The following MFRP variants were observed in gnomAD, a reference collection of about 807,000 sequenced individuals.
MFRP encodes the protein membrane frizzled-related protein.
MFRP carries 74 observed loss-of-function variants against 65.8 expected under a neutral mutation model. The observed-to-expected ratio is 1.12, with a 90% CI of 0.93 to 1.36. The LOEUF is 1.36. MFRP is among the 40% of genes most tolerant of loss of function. The pLI, the probability that MFRP is intolerant of heterozygous loss-of-function variation, is 0.00. For missense variants in MFRP, 838 were observed against 736.0 expected, an observed-to-expected ratio of 1.14 and a Z score of -1.60; for synonymous variants, 336 against 288.3, an observed-to-expected ratio of 1.17 and a Z score of -1.68.
In MFRP at chr11:119,342,999, A is replaced by G. The variant is rs1287406812; in HGVS notation, c.1129T>C (p.Cys377Arg). ...SGAFSLLGRFCGAEPPPHLVS... is the reference protein window; with the variant it reads ...SGAFSLLGRFRGAEPPPHLVS... The stretch of plus-strand genomic sequence containing the variant: ...AGGTGGGGGGGTGGCTCTGCTCCAC[A>G]GAACCTGCCCAAAGCAGACAGCTGT... The change falls in exon 10 of 15, where the codon TGT (cysteine) becomes CGT (arginine). Residue 377 changes from cysteine to arginine, a missense_variant. Cys to Arg is a radical substitution (Grantham distance 180). Coordinates refer to ENST00000619721, the MANE Select transcript of MFRP (RefSeq NM_031433.4). The G allele has an allele frequency of 1.2e-6, 2 of 1,603,210 alleles. No individual in the cohort carries two copies. Among genetic ancestry groups the G allele is most frequent in the Admixed American group, 1.7e-5 (1 of 58,472 alleles).
intron 8 of MFRP, 45 bp from the exon 9 acceptor site, chr11:119,344,009 T>A: frequency 1.2e-6 from 2 of 1,607,430 alleles, no homozygotes; most frequent in Non-Finnish European, 1.7e-6. Flanking sequence ...CCTTCTCCTG[T>A]CTCATCCCGG....
intron 14 of MFRP, 37 bp downstream of exon 14, chr11:119,340,147 G>A: frequency 6.6e-7 from 1 of 1,503,958 alleles, no homozygotes; most frequent in Non-Finnish European, 8.9e-7. Context: ...CGCCTGCTCG[G>A]ACATCGCCAC....
rs775475230 is a variant in MFRP at position 119,342,851 on chromosome 11, C to T, written c.1255+22G>A. On this transcript the variant is annotated intron_variant, in intron 10 of 14. Coordinates refer to ENST00000619721, the MANE Select transcript of MFRP (RefSeq NM_031433.4). The stretch of plus-strand genomic sequence containing the variant: ...CTGGAGGTGCCTCTACTGCCCCCAC[C>T]CACTTGCCCAGGGGCACCTACTCTC... 8 of 1,612,976 alleles carry T rather than the reference C, an allele frequency of 5.0e-6. No homozygotes were observed. The East Asian group carries it at 8.9e-5, about 18-fold the overall frequency.
At chr11:119,346,213 G>A (rs1565296372) in intron 2 of MFRP, 54 bp from the exon 3 acceptor site, 1 of 1,565,896 alleles carries the variant, frequency 6.4e-7, no homozygotes, top group Non-Finnish European at 8.7e-7. Flanking sequence ...TATTCCTCAT[G>A]CTGTCCTTGG....
rs1245258945 is a variant in MFRP at position 119,346,603 on chromosome 11, G to A, written c.-90C>T. On this transcript the variant is annotated 5_prime_UTR_variant, in exon 1 of 15. Coordinates refer to ENST00000619721, the MANE Select transcript of MFRP (RefSeq NM_031433.4). ...CGCTGACCACAAACTCCCTGTCAGA[G>A]GGGCAGCCTCTACTACCCGAGGGAA... 1 of 1,317,000 alleles carries A rather than the reference G, an allele frequency of 7.6e-7. No individual in the cohort carries two copies. The highest frequency in any genetic ancestry group is 1.1e-6 in the Non-Finnish European group (1 of 913,970). 81.6% of individuals were successfully genotyped at this position (1,317,000 alleles called of 1,614,324 possible).
Position 119,344,361 on chromosome 11 carries a change from C to A in MFRP, c.929G>T (p.Gly310Val), listed in dbSNP as rs950627332. 26 of 1,613,800 alleles carry A rather than the reference C, an allele frequency of 1.6e-5. No individual in the cohort carries two copies. Among genetic ancestry groups the A allele is most frequent in the Non-Finnish European group, 2.2e-5 (26 of 1,179,968 alleles). The change falls in exon 8 of 15, where the codon GGC becomes GTC. Residue 310 changes from glycine (G) to valine (V), a missense_variant. Physicochemically the swap from Gly to Val is moderately radical, Grantham distance 109. Coordinates refer to ENST00000619721, the MANE Select transcript of MFRP (RefSeq NM_031433.4). ...CAGGTAGCTGGGAGTAGAGAAAGTG[C>A]CCTGGAGGCCAGTCAGATTCCCCCC... ...GCGGNLTGLQGTFSTPSYLQQ... is the reference protein window; with the variant it reads ...GCGGNLTGLQVTFSTPSYLQQ...
At chr11:119,342,455 G>GTGGT in intron 11 of MFRP, 141 bp downstream of exon 11, 1 of 1,049,358 alleles carries the variant, frequency 9.5e-7, no homozygotes, top group Non-Finnish European at 1.4e-6. Context: ...ACTCTGTGAA[G>GTGGT]TGGTCCCAGA....
intron 13 of MFRP, 40 bp downstream of exon 13, chr11:119,340,655 T>G: frequency 1.9e-6 from 1 of 519,788 alleles, no homozygotes. Flanking sequence ...TTTCCCACAG[T>G]CCCCTCCCCA....
rs1565290644 is a variant in MFRP at position 119,339,457 on chromosome 11, C to T, written c.*1502G>A. The stretch of plus-strand genomic sequence containing the variant: ...CACCCACCTGCACCCACACTTGGTC[C>T]TCAGGCTCCAGCCTCACCATGGCCC... On this transcript the variant is annotated 3_prime_UTR_variant, in exon 15 of 15. Transcript: ENST00000619721. This position sits in a 1 kb window ranked among gnomAD's most constrained non-coding sequence, Gnocchi z 5.4. 1 of 1,614,118 alleles carries T rather than the reference C, an allele frequency of 6.2e-7. No individual in the cohort carries two copies. The highest frequency in any genetic ancestry group is 1.3e-5 in the African/African-American group (1 of 75,064).
Position 119,339,369 on chromosome 11 carries a change from C to T in MFRP, c.*1590G>A. 1.2e-6 allele frequency: 2 copies of T among 1,613,010 alleles called. No homozygotes were observed. Among genetic ancestry groups the T allele is most frequent in the South Asian group, 2.2e-5 (2 of 90,990 alleles). ...GGGGAGCTGTGCCAGTCGGAGTACA[C>T]CAGAAATCCGGAGAAGGTGCTGTCT... is the stretch of plus-strand genomic sequence containing the variant. On this transcript the variant is annotated 3_prime_UTR_variant, in exon 15 of 15. Transcript: ENST00000619721. This position sits in a 1 kb window ranked among gnomAD's most constrained non-coding sequence, Gnocchi z 5.4.
chr11:119,340,536 C>A lies in MFRP; in HGVS notation c.*854-96G>T, dbSNP rs182944983. ...GCCCAGTCGGTCCCCACCCCACTGCCGTGCCCCTGAGGCTGAGCGCTCGCA... is the reference window on the plus strand; with the variant it reads ...GCCCAGTCGGTCCCCACCCCACTGCAGTGCCCCTGAGGCTGAGCGCTCGCA... On this transcript the variant is annotated intron_variant, in intron 13 of 14. Coordinates refer to ENST00000619721, the MANE Select transcript of MFRP (RefSeq NM_031433.4). 5,068 of 918,230 alleles carry A rather than the reference C, an allele frequency of 5.5e-3. 342 individuals are homozygous for A. In the Admixed American group the frequency reaches 0.1, roughly 19 times the overall value. The allele number at this position is 918,230 out of a possible 1,614,324, so 56.9% of individuals were successfully genotyped here.
chr11:119,345,654 G>T, intron 4 of MFRP, 21 bp from the exon 5 acceptor site: 1 of 1,613,258 alleles, frequency 6.2e-7, no homozygotes, highest in Middle Eastern at 1.6e-4. Flanking sequence ...GGAGGTTAGA[G>T]TTCAGAGGTC....
intron 2 of MFRP, 23 bp downstream of exon 2, chr11:119,346,249 A>G (rs1456364440): frequency 6.3e-7 from 1 of 1,595,400 alleles, no homozygotes; most frequent in Non-Finnish European, 8.5e-7. Flanking sequence ...GTCCTCCCCC[A>G]GGTCACCCCC....
Position 119,346,597 on chromosome 11 carries a change from G to C in MFRP, c.-84C>G. On this transcript the variant is annotated 5_prime_UTR_variant, in exon 1 of 15. Coordinates refer to ENST00000619721, the MANE Select transcript of MFRP (RefSeq NM_031433.4). ...CCCACTCGCTGACCACAAACTCCCTGTCAGAGGGGCAGCCTCTACTACCCG... is the reference window on the plus strand; with the variant it reads ...CCCACTCGCTGACCACAAACTCCCTCTCAGAGGGGCAGCCTCTACTACCCG... 7.1e-7 allele frequency: 1 copy of C among 1,405,946 alleles called. No individual in the cohort carries two copies. The highest frequency in any genetic ancestry group is 1.0e-6 in the Non-Finnish European group (1 of 993,666). The allele number at this position is 1,405,946 out of a possible 1,614,324, so 87.1% of individuals were successfully genotyped here. A position where few individuals can be genotyped will look rare whatever the true frequency, so the allele number is the denominator to read the frequency against.
Position 119,345,589 on chromosome 11 carries a change from G to A in MFRP, c.472C>T (p.Pro158Ser), listed in dbSNP as rs758420491. 21 of 1,613,762 alleles carry A rather than the reference G, an allele frequency of 1.3e-5. No homozygotes were observed. In the Admixed American group the frequency reaches 2.5e-4, roughly 19 times the overall value. The stretch of plus-strand genomic sequence containing the variant: ...GGGGGGTAAGGGTCTGGGTAGTTAG[G>A]GCTGCTGAAGAAGCCCCTTGGGCCA... ...LSGPRGFFSS[P>S]NYPDPYPPNT... Residue 158 changes from proline (P) to serine (S), a missense_variant, in exon 5 of 15, where the codon CCT (proline) becomes TCT (serine). Physicochemically the swap from Pro to Ser is moderately conservative, Grantham distance 74. Coordinates refer to ENST00000619721, the MANE Select transcript of MFRP (RefSeq NM_031433.4).
intron 3 of MFRP, 52 bp downstream of exon 3, chr11:119,345,994 T>C (rs1347190252): frequency 5.0e-6 from 8 of 1,612,816 alleles, no homozygotes; most frequent in Non-Finnish European, 6.8e-6. Flanking sequence ...GGAGAGCGGC[T>C]CATGGAGTTT....
intron 8 of MFRP, 130 bp downstream of exon 8, chr11:119,344,185 C>T (rs1565294269): frequency 3.0e-6 from 3 of 1,007,900 alleles, no homozygotes; most frequent in East Asian, 4.9e-5. Flanking sequence ...TTCCCCCATC[C>T]CCCGTCTGCT....
chr11:119,342,089 G>C, intron 11 of MFRP, 105 bp from the exon 12 acceptor site: 1 of 1,424,886 alleles, frequency 7.0e-7, no homozygotes, highest in Non-Finnish European at 9.7e-7. Context: ...GGTCCAATGG[G>C]GGTGGTTGTG....
Position 119,344,359 on chromosome 11 carries a change from T to C in MFRP, c.931A>G (p.Thr311Ala), listed in dbSNP as rs759048629. The C allele has an allele frequency of 1.2e-6, 2 of 1,613,848 alleles. No homozygotes were observed. The highest frequency in any genetic ancestry group is 1.1e-5 in the South Asian group (1 of 91,070). Residue 311 changes from threonine (T) to alanine (A), a missense_variant, in exon 8 of 15, where the codon ACT becomes GCT. Physicochemically the swap from Thr to Ala is moderately conservative, Grantham distance 58. Transcript: ENST00000619721. ...TGCAGGTAGCTGGGAGTAGAGAAAG[T>C]GCCCTGGAGGCCAGTCAGATTCCCC... ...CGGNLTGLQG[T>A]FSTPSYLQQY... is the part of the protein sequence containing the mutation.
Sources: allele counts gnomAD v4.1 joint callset, GRCh38; gene constraint gnomAD v4.1.1; non-coding constraint Gnocchi (gnomAD v3.1); transcripts MANE v1.5; gene names NCBI Gene and HGNC (gene_info 2026-07-23, HGNC 2026-07-21).